Variants in VPS13B observed in about 807,000 individuals in gnomAD.
The protein encoded by VPS13B is vacuolar protein sorting 13 homolog B.
In VPS13B, 285 loss-of-function variants were observed where a neutral mutation model predicts 426.4. The ratio of observed to expected loss-of-function variants is 0.67; its 90% confidence interval spans 0.61 to 0.74. The LOEUF is 0.74. Among genes scored for constraint, VPS13B ranks in the 30% least tolerant of loss-of-function variants. The pLI, the probability that VPS13B is intolerant of heterozygous loss-of-function variation, is 0.00. For synonymous variants in VPS13B, 1,676 were observed against 1,676.4 expected, an observed-to-expected ratio of 1.00 and a Z score of 0.01; for missense variants, 4,537 against 4,782.6, an observed-to-expected ratio of 0.95 and a Z score of 1.51.
chr8:99,308,553 C>T (rs918391757), intron 19 of VPS13B, among the ~76,000 whole-genome samples: 3 of 152,138 alleles, frequency 2.0e-5, no homozygotes, highest in Admixed American at 2.0e-4. Flanking sequence ...TGTATATGTG[C>T]CACATTTTCT....
At chr8:99,615,758 G>A (rs1282354289) in intron 33 of VPS13B, among the ~76,000 whole-genome samples, 5 of 152,082 alleles carry the variant, frequency 3.3e-5, no homozygotes, top group Non-Finnish European at 7.4e-5. Flanking sequence ...TTTCCTGCTG[G>A]CAAGGGGAGT....
At chr8:99,549,154 T>G (rs1824145199) in intron 30 of VPS13B, among the ~76,000 whole-genome samples, 1 of 152,108 alleles carries the variant, frequency 6.6e-6, no homozygotes, top group Non-Finnish European at 1.5e-5. Context: ...TTTTCCACAA[T>G]AAAGTTTTTC....
At chr8:99,505,581 C>T (rs1016407422) in intron 27 of VPS13B, among the ~76,000 whole-genome samples, 4 of 152,136 alleles carry the variant, frequency 2.6e-5, no homozygotes, top group African/African-American at 9.6e-5. Flanking sequence ...CAGGACATCA[C>T]TGTTCATGAT....
rs192474368 is a variant in VPS13B, at chr8:99,697,603, G to A, written c.6047-1922G>A. 5.1e-3 allele frequency: 3,325 copies of A among 650,964 alleles called. 19 individuals are homozygous for A. The highest frequency in any genetic ancestry group is 8.3e-3 in the South Asian group (483 of 57,958). 40.3% of individuals were successfully genotyped at this position (650,964 alleles called of 1,614,324 possible). A position where few individuals can be genotyped will look rare whatever the true frequency, so the allele number is the denominator to read the frequency against. ...AGAAGGAACTCTCAAAGACTGGTAG[G>A]TGAAGAAAAATATGTGAAAGCATCT... On this transcript the variant is annotated intron_variant, in intron 35 of 61. Coordinates refer to ENST00000357162, the MANE Select transcript of VPS13B (RefSeq NM_152564.5).
chr8:99,400,412 CA>C (rs1375530069), intron 21 of VPS13B, among the ~76,000 whole-genome samples: 1 of 152,158 alleles, frequency 6.6e-6, no homozygotes, highest in African/African-American at 2.4e-5. Context: ...ATACAGAAAA[CA>C]TAAACTATTT....
In VPS13B at chr8:99,196,392, A is replaced by G. The variant is rs557350068; in HGVS notation, c.2515+3335A>G. Among the ~76,000 whole-genome samples, 6 of 150,656 alleles carry G rather than the reference A, an allele frequency of 4.0e-5. No individual in the cohort carries two copies. In the East Asian group the frequency reaches 9.7e-4, roughly 24 times the overall value. The stretch of plus-strand genomic sequence containing the variant: ...GCATAAAAATGGTACTGATTTTTAC[A>G]TGTTGATTTTGTATCCCACACCTTT... On this transcript the variant is annotated intron_variant, in intron 17 of 61. Transcript: ENST00000357162.
chr8:99,839,841 T>C (rs2130878041), intron 54 of VPS13B, among the ~76,000 whole-genome samples: 1 of 152,298 alleles, frequency 6.6e-6, no homozygotes, highest in South Asian at 2.1e-4. Context: ...TATGAGAAAT[T>C]TTCTTCTTGT....
intron 17 of VPS13B, among the ~76,000 whole-genome samples, chr8:99,196,867 G>A (rs1216815070): frequency 6.6e-6 from 1 of 152,094 alleles, no homozygotes; most frequent in East Asian, 1.9e-4. Flanking sequence ...GTACTGTGTG[G>A]AAAAGAAGTA....
At chr8:99,420,684 G>T (rs962045790) in intron 21 of VPS13B, among the ~76,000 whole-genome samples, 1 of 152,214 alleles carries the variant, frequency 6.6e-6, no homozygotes, top group South Asian at 2.1e-4. Flanking sequence ...ATATCACTAT[G>T]CTCAGCTCCT....
chr8:99,266,544 T>G (rs1818314718), intron 17 of VPS13B, among the ~76,000 whole-genome samples: 2 of 152,236 alleles, frequency 1.3e-5, no homozygotes, highest in Admixed American at 6.5e-5. Context: ...GATCTCATCT[T>G]GATTTATAGT....
intron 17 of VPS13B, among the ~76,000 whole-genome samples, chr8:99,256,122 A>G (rs1472396232): frequency 6.6e-6 from 1 of 152,016 alleles, no homozygotes; most frequent in Non-Finnish European, 1.5e-5. Flanking sequence ...CAGGTTGGGG[A>G]ACTTTTTTCT....
At chr8:99,699,305 G>C (rs1215767370) in intron 35 of VPS13B, among the ~76,000 whole-genome samples, 2 of 151,976 alleles carry the variant, frequency 1.3e-5, no homozygotes, top group Admixed American at 6.6e-5. Context: ...GGATTGGCCA[G>C]GAATGTAGGC....
At chr8:99,271,575 G>A (rs556308507) in intron 17 of VPS13B, among the ~76,000 whole-genome samples, 73 of 152,236 alleles carry the variant, frequency 4.8e-4, no homozygotes, top group African/African-American at 1.7e-3. Context: ...TAGTCCGTTC[G>A]CATACTGCTG....
chr8:99,024,469 A>AT (rs1242720971), intron 2 of VPS13B, among the ~76,000 whole-genome samples: 2 of 152,146 alleles, frequency 1.3e-5, no homozygotes, highest in Non-Finnish European at 2.9e-5. Flanking sequence ...TCTTGAGTTG[A>AT]TTTTTGTATA....
At position 99,271,064 on chromosome 8, in the gene VPS13B, T is replaced by G. The variant is rs148043191; in HGVS notation, c.2516-3134T>G. ...ATAGCTCCTAAGGATTATTTTGTGT[T>G]TGCCGAATAAATGAAATAAACTAGG... On this transcript the variant is annotated intron_variant, in intron 17 of 61. Transcript: ENST00000357162. 6.3e-3 allele frequency among the ~76,000 whole-genome samples: 957 copies of G among 152,238 alleles called. 8 individuals carry two copies. The highest frequency in any genetic ancestry group is 0.022 in the African/African-American group (898 of 41,538).
In VPS13B at chr8:99,427,133, G is replaced by A. The variant is rs1816758650; in HGVS notation, c.3083-4404G>A. On this transcript the variant is annotated intron_variant, in intron 21 of 61. Transcript: ENST00000357162. ...ATCCAGTTTCAGCTTCCTACATATGGCTAGCCAGTTTTCCCAGCACCATTT... is the reference window on the plus strand; with the variant it reads ...ATCCAGTTTCAGCTTCCTACATATGACTAGCCAGTTTTCCCAGCACCATTT... Among the ~76,000 whole-genome samples, 6 of 44,578 alleles carry A rather than the reference G, an allele frequency of 1.3e-4. No homozygotes were observed. In the South Asian group the frequency reaches 3.7e-3, roughly 27 times the overall value. The allele number at this position is 44,578 out of a possible 152,430, so 29.2% of individuals were successfully genotyped here.
intron 19 of VPS13B, among the ~76,000 whole-genome samples, chr8:99,337,546 G>A (rs111336555): frequency 0.034 from 5,096 of 151,774 alleles, 124 homozygotes; most frequent in Non-Finnish European, 0.048. Flanking sequence ...AAAAAAAAGA[G>A]TTGAAGGTCT....
chr8:99,775,480 C>G (rs946432956), intron 40 of VPS13B, among the ~76,000 whole-genome samples: 2 of 152,172 alleles, frequency 1.3e-5, no homozygotes, highest in African/African-American at 4.8e-5. Flanking sequence ...CCCAAATTCC[C>G]AGGTCTCGTG....
intron 33 of VPS13B, among the ~76,000 whole-genome samples, chr8:99,593,872 A>C (rs1826829065): frequency 6.6e-6 from 1 of 152,096 alleles, no homozygotes; most frequent in African/African-American, 2.4e-5. Context: ...ACACATGGAC[A>C]CAGGTTGGGG....
Sources: allele counts gnomAD v4.1 joint callset (sites outside exome capture counted in the v4.1 genomes callset), GRCh38; gene constraint gnomAD v4.1.1; transcripts MANE v1.5; gene names NCBI Gene and HGNC (gene_info 2026-07-23, HGNC 2026-07-21).